Variants in R3HDM2 observed in about 807,000 individuals in gnomAD.
The protein encoded by R3HDM2 is R3H domain containing 2.
In R3HDM2, 38 loss-of-function variants were observed where a neutral mutation model predicts 124.5. The observed-to-expected ratio is 0.31, with a 90% CI of 0.24 to 0.40. R3HDM2 has a LOEUF of 0.40. Ranked by LOEUF, R3HDM2 falls within the 10% of genes least tolerant of loss-of-function variation. The pLI is 1.00. For synonymous variants in R3HDM2, 391 were observed against 448.0 expected (o/e 0.87, Z 1.61); for missense variants, 869 against 1,236.9 (o/e 0.70, Z 4.46).
At chr12:57,430,489 G>GCCCCCCC in intron 1 of R3HDM2, 27 of 790,554 alleles carry the variant, frequency 3.4e-5, no homozygotes, top group East Asian at 1.3e-4. Flanking sequence ...CCACCCCCCT[G>GCCCCCCC]CCCCCGCACC....
Position 57,370,628 on chromosome 12 carries a change from G to A in R3HDM2, c.-36+25121C>T, listed in dbSNP as rs190539537. ...GCACTCCAGCCTGGGCAACAAGAGC[G>A]AAACTCCATCTCAAAAGAAAAATAA... On this transcript the variant is annotated intron_variant, in intron 2 of 23. Coordinates refer to ENST00000402412, the MANE Select transcript of R3HDM2 (RefSeq NM_001394031.1). Among the ~76,000 whole-genome samples the A allele has an allele frequency of 8.4e-3, 1,283 of 152,098 alleles. 9 individuals carry two copies. Among genetic ancestry groups the A allele is most frequent in the Non-Finnish European group, 0.015 (1,007 of 67,998 alleles).
intron 2 of R3HDM2, among the ~76,000 whole-genome samples, chr12:57,381,473 A>G (rs1015727734): frequency 1.4e-5 from 2 of 146,262 alleles, no homozygotes; most frequent in Non-Finnish European, 3.0e-5. Flanking sequence ...TGAATCCAGG[A>G]GGCGGAAGTT....
intron 7 of R3HDM2, 128 bp from the exon 8 acceptor site, chr12:57,297,515 G>C (rs560096312): frequency 1.4e-5 from 8 of 558,956 alleles, no homozygotes; most frequent in South Asian, 1.1e-4. Flanking sequence ...TCCAAACCCA[G>C]TAATGAACCA....
rs1037488213 is a variant in R3HDM2 at position 57,322,528 on chromosome 12, G to A, written c.-35-12065C>T. Among the ~76,000 whole-genome samples the A allele has an allele frequency of 3.3e-5, 5 of 152,176 alleles. No individual in the cohort carries two copies. In the South Asian group the frequency reaches 6.2e-4, roughly 19 times the overall value. ...ATGTACTTCAACTCATATCCACCAA[G>A]TGCAGCTAAGCAACCTGATCAAGGT... is the stretch of plus-strand genomic sequence containing the variant. On this transcript the variant is annotated intron_variant, in intron 2 of 23. Transcript: ENST00000402412.
intron 1 of R3HDM2, among the ~76,000 whole-genome samples, chr12:57,409,263 G>T (rs1234167139): frequency 6.6e-6 from 1 of 151,918 alleles, no homozygotes; most frequent in African/African-American, 2.4e-5. Context: ...CTAAAATTAA[G>T]TTTTTACTCT....
chr12:57,366,846 C>T (rs57245995), intron 2 of R3HDM2, among the ~76,000 whole-genome samples: 1,738 of 152,196 alleles, frequency 0.011, 29 homozygotes, highest in African/African-American at 0.039. Flanking sequence ...CCCGCCACCA[C>T]GCCCAGGTAA....
intron 2 of R3HDM2, among the ~76,000 whole-genome samples, chr12:57,322,091 G>C (rs1427155096): frequency 6.6e-6 from 1 of 152,130 alleles, no homozygotes; most frequent in Non-Finnish European, 1.5e-5. Flanking sequence ...AGCCGAGTGT[G>C]GTGGCGCTCG....
At chr12:57,402,994 A>G (rs1196940295) in intron 1 of R3HDM2, among the ~76,000 whole-genome samples, 1 of 152,216 alleles carries the variant, frequency 6.6e-6, no homozygotes, top group Non-Finnish European at 1.5e-5. Context: ...ATGCATATAA[A>G]GCACAAAAAC....
chr12:57,404,496 G>A (rs927205719), intron 1 of R3HDM2, among the ~76,000 whole-genome samples: 1 of 150,974 alleles, frequency 6.6e-6, no homozygotes, highest in African/African-American at 2.4e-5. Flanking sequence ...AAGAGATCGA[G>A]ACCATCCTGG....
intron 1 of R3HDM2, among the ~76,000 whole-genome samples, chr12:57,408,342 T>C (rs898580436): frequency 6.6e-6 from 1 of 152,180 alleles, no homozygotes; most frequent in African/African-American, 2.4e-5. Flanking sequence ...GCCAGGATTA[T>C]AGGCATGAGC....
intron 1 of R3HDM2, among the ~76,000 whole-genome samples, chr12:57,410,918 G>A (rs1223673538): frequency 6.6e-6 from 1 of 152,082 alleles, no homozygotes; most frequent in Non-Finnish European, 1.5e-5. Context: ...AAAAAATAGT[G>A]GATTTCAATT....
At position 57,280,400 on chromosome 12, in the gene R3HDM2, C is replaced by A; in HGVS notation, c.1302G>T (p.Thr434=). 1 of 1,613,956 alleles carries A rather than the reference C, an allele frequency of 6.2e-7. No individual in the cohort carries two copies. The highest frequency in any genetic ancestry group is 8.5e-7 in the Non-Finnish European group (1 of 1,179,928). Residue 434 remains threonine (T), a synonymous_variant, in exon 14 of 24, where the codon ACG becomes ACT. Transcript: ENST00000402412. ...QQQQLPALPP[T]PQQQPPLNNH... is the part of the protein sequence containing the mutation. ...TATTCAAGGGTGGCTGTTGCTGAGG[C>A]GTGGGTGGGAGAGCAGGAAGTTGCT... is the stretch of plus-strand genomic sequence containing the variant.
intron 2 of R3HDM2, among the ~76,000 whole-genome samples, chr12:57,329,217 T>C (rs1203095387): frequency 6.6e-6 from 1 of 152,158 alleles, no homozygotes; most frequent in Non-Finnish European, 1.5e-5. Context: ...CTATCTCTGC[T>C]GCAAGGAGAA....
intron 2 of R3HDM2, among the ~76,000 whole-genome samples, chr12:57,330,760 G>A (rs1336881127): frequency 1.6e-5 from 2 of 121,424 alleles, no homozygotes; most frequent in African/African-American, 3.2e-5. Context: ...GTGCAGTGGC[G>A]CAATCTCAGC....
In R3HDM2 at chr12:57,256,455, G is replaced by T. The variant is rs1420076150; in HGVS notation, c.2506C>A (p.Pro836Thr). ...GTTGACTGGCCATGGAGCAAGGGAGGGCAGATGGACAGATTGTACTGTAAT... is the reference window on the plus strand; with the variant it reads ...GTTGACTGGCCATGGAGCAAGGGAGTGCAGATGGACAGATTGTACTGTAAT... ...QPLQYNLSICPPLLHGQSTYT... is the reference protein window; with the variant it reads ...QPLQYNLSICTPLLHGQSTYT... Residue 836 changes from proline (P) to threonine (T), a missense_variant, in exon 22 of 24, where the codon CCT (proline) becomes ACT (threonine). Coordinates refer to ENST00000402412, the MANE Select transcript of R3HDM2 (RefSeq NM_001394031.1). 1 of 1,599,682 alleles carries T rather than the reference G, an allele frequency of 6.3e-7. No homozygotes were observed.
intron 2 of R3HDM2, among the ~76,000 whole-genome samples, chr12:57,370,401 GGGGGGGGGC>G (rs1320048794): frequency 7.5e-6 from 1 of 133,270 alleles, no homozygotes; most frequent in Non-Finnish European, 1.6e-5. Flanking sequence ...GAGGCCCGGG[GGGGGGGGGC>G]GGGGTGGATC....
chr12:57,302,125 A>C (rs1000080453), intron 4 of R3HDM2, among the ~76,000 whole-genome samples: 1 of 151,980 alleles, frequency 6.6e-6, no homozygotes, highest in Non-Finnish European at 1.5e-5. Context: ...TACTAAAAAC[A>C]CAAAAATTAG....
At chr12:57,369,989 G>A (rs2137896952) in intron 2 of R3HDM2, among the ~76,000 whole-genome samples, 1 of 152,216 alleles carries the variant, frequency 6.6e-6, no homozygotes, top group Admixed American at 6.5e-5. Flanking sequence ...GAATTTGATA[G>A]CCTAAATCAT....
At chr12:57,405,872 G>A (rs2068480257) in intron 1 of R3HDM2, among the ~76,000 whole-genome samples, 1 of 152,086 alleles carries the variant, frequency 6.6e-6, no homozygotes, top group Non-Finnish European at 1.5e-5. Context: ...TCCATGTTCA[G>A]AAATGAAAAT....
Sources: allele counts gnomAD v4.1 joint callset (sites outside exome capture counted in the v4.1 genomes callset), GRCh38; gene constraint gnomAD v4.1.1; transcripts MANE v1.5; gene names NCBI Gene and HGNC (gene_info 2026-07-23, HGNC 2026-07-21).